Variants in STARD9 observed in about 807,000 individuals in gnomAD.
STARD9 encodes the protein stAR-related lipid transfer protein 9.
In STARD9, 346 loss-of-function variants were observed where a neutral mutation model predicts 399.8. That is an observed-to-expected ratio of 0.87 (90% CI 0.79 to 0.95). The LOEUF (loss-of-function observed/expected upper bound fraction) is 0.95, where lower values mean the gene tolerates loss of function less well. STARD9 is among the 40% of genes least tolerant of loss of function. The pLI is 0.00. For synonymous variants in STARD9, 2,203 were observed against 2,143.5 expected, an observed-to-expected ratio of 1.03 and a Z score of -0.77; for missense variants, 5,832 against 5,667.5, an observed-to-expected ratio of 1.03 and a Z score of -0.93.
intron 16 of STARD9, among the ~76,000 whole-genome samples, chr15:42,673,636 T>C (rs948608129): frequency 6.6e-6 from 1 of 152,174 alleles, no homozygotes; most frequent in Non-Finnish European, 1.5e-5. Context: ...GTAATATGAT[T>C]TGTATAAAGT....
At chr15:42,621,977 TTTTC>T (rs1292513043) in intron 3 of STARD9, among the ~76,000 whole-genome samples, 2 of 152,340 alleles carry the variant, frequency 1.3e-5, no homozygotes, top group African/African-American at 2.4e-5. Flanking sequence ...ATCTATTTCT[TTTTC>T]AATCTATATT....
chr15:42,680,432 T>G (rs1381264141), intron 20 of STARD9, among the ~76,000 whole-genome samples: 1 of 151,994 alleles, frequency 6.6e-6, no homozygotes, highest in Non-Finnish European at 1.5e-5. Flanking sequence ...AAATCCTGTC[T>G]CTACTAAAAA....
chr15:42,687,128 T>C lies in STARD9; in HGVS notation c.5550T>C (p.Ser1850=), dbSNP rs1311636936. The C allele has an allele frequency of 2.6e-6, 4 of 1,537,188 alleles. No homozygotes were observed. In the African/African-American group the frequency reaches 4.1e-5, roughly 16 times the overall value. Residue 1850 remains serine, a synonymous_variant, in exon 23 of 33, where the codon TCT becomes TCC. Coordinates refer to ENST00000290607, the MANE Select transcript of STARD9 (RefSeq NM_020759.3). ...TEESHDSVYS[S]VTQNRHFLPS... ...AAAGCCATGATTCAGTTTATTCTTC[T>C]GTTACTCAGAACAGACATTTTCTCC...
chr15:42,718,652 G>T, intron 31 of STARD9, 100 bp from the exon 32 acceptor site: 1 of 1,456,480 alleles, frequency 6.9e-7, no homozygotes, highest in Non-Finnish European at 9.3e-7. Flanking sequence ...TGGCTTGAAG[G>T]CTGGCCCAGT....
chr15:42,718,679 C>T, intron 31 of STARD9, 73 bp from the exon 32 acceptor site: 2 of 1,494,620 alleles, frequency 1.3e-6, no homozygotes, highest in African/African-American at 1.4e-5. Flanking sequence ...TTTCACCATA[C>T]TGTCTACACG....
chr15:42,607,220 T>TA (rs2058747625), intron 3 of STARD9, among the ~76,000 whole-genome samples: 1 of 124,972 alleles, frequency 8.0e-6, no homozygotes. Context: ...TTTTTTTTTT[T>TA]AAGATGGAGT....
chr15:42,649,606 C>T (rs879790043), intron 7 of STARD9, among the ~76,000 whole-genome samples: 10 of 150,978 alleles, frequency 6.6e-5, no homozygotes, highest in Admixed American at 6.0e-4. Flanking sequence ...ATCGCCCAGG[C>T]TGGGGTGCAA....
intron 20 of STARD9, among the ~76,000 whole-genome samples, chr15:42,677,927 T>C (rs1326435574): frequency 6.6e-6 from 1 of 152,214 alleles, no homozygotes; most frequent in Non-Finnish European, 1.5e-5. Context: ...TTCTCTTGCC[T>C]TTTTAAAGTC....
intron 26 of STARD9, among the ~76,000 whole-genome samples, chr15:42,696,524 A>C (rs1486571889): frequency 6.6e-6 from 1 of 152,220 alleles, no homozygotes; most frequent in Non-Finnish European, 1.5e-5. Context: ...AATCCATCTC[A>C]TTGTGTTACT....
chr15:42,697,912 A>G (rs1472449253), intron 26 of STARD9, among the ~76,000 whole-genome samples: 2 of 152,110 alleles, frequency 1.3e-5, no homozygotes, highest in African/African-American at 4.8e-5. Context: ...CCCTCAGTGT[A>G]CCTAGTTCCT....
At position 42,718,000 on chromosome 15, in the gene STARD9, T is replaced by C. The variant is rs1165930356; in HGVS notation, c.13583T>C (p.Val4528Ala). 1.1e-5 allele frequency: 17 copies of C among 1,537,188 alleles called. No individual in the cohort carries two copies. The highest frequency in any genetic ancestry group is 1.5e-5 in the Non-Finnish European group (17 of 1,146,884). Residue 4528 changes from valine (V) to alanine (A), a missense_variant, in exon 30 of 33, where the codon GTG becomes GCG. Around this residue, in one of 2 missense-constraint regions of STARD9, gnomAD observed 5,828 missense variants for 5,651.1 expected, o/e 1.03. Transcript: ENST00000290607. ...AGCTATCAGGGTGAGGAGCAGGCGGTGCAGCTTTACTACAAGGTGTTTTCT... is the reference window on the plus strand; with the variant it reads ...AGCTATCAGGGTGAGGAGCAGGCGGCGCAGCTTTACTACAAGGTGTTTTCT... ...GWNYQGEEQA[V>A]QLYYKVFSPT...
In STARD9 at chr15:42,684,965, G is replaced by A; in HGVS notation, c.3387G>A (p.Arg1129=). 1.3e-6 allele frequency: 2 copies of A among 1,537,038 alleles called. No homozygotes were observed. The highest frequency in any genetic ancestry group is 1.7e-6 in the Non-Finnish European group (2 of 1,146,926). ...TAGAGCCACTGAAGCCAGAGGAGAG[G>A]AAATGGGATTTCCCAGAGCCAGAGA... ...ALIEPLKPEE[R]KWDFPEPENS... Residue 1129 remains arginine (R), a synonymous_variant, in exon 23 of 33, where the codon AGG becomes AGA. Coordinates refer to ENST00000290607, the MANE Select transcript of STARD9 (RefSeq NM_020759.3).
At chr15:42,663,748 G>T in intron 12 of STARD9, 72 bp from the exon 13 acceptor site, 2 of 1,164,514 alleles carry the variant, frequency 1.7e-6, no homozygotes, top group Non-Finnish European at 2.5e-6. Flanking sequence ...ATGGGCAGTA[G>T]TAACAAGGCA....
rs2060268702 is a variant in STARD9, at chr15:42,674,492, G to T, written c.1549+1G>T. 6.5e-7 allele frequency: 1 copy of T among 1,536,928 alleles called. No individual in the cohort carries two copies. The highest frequency in any genetic ancestry group is 8.7e-7 in the Non-Finnish European group (1 of 1,146,730). On this transcript the variant is annotated splice_donor_variant, in intron 17 of 32. Coordinates refer to ENST00000290607, the MANE Select transcript of STARD9 (RefSeq NM_020759.3). LOFTEE classifies it high-confidence loss of function. Reference sequence around the variant, plus strand: ...GACTCAGACCAGGAACAGGACATTGGTAAGTGGCAGAGTATATGAGTCCAG... The same window carrying T: ...GACTCAGACCAGGAACAGGACATTGTTAAGTGGCAGAGTATATGAGTCCAG...
chr15:42,624,097 G>A (rs1055295619), intron 3 of STARD9, among the ~76,000 whole-genome samples: 2 of 152,166 alleles, frequency 1.3e-5, no homozygotes, highest in African/African-American at 2.4e-5. Context: ...GAAACTGTGG[G>A]TTTATGTTTG....
chr15:42,583,916 C>T (rs2058223024), intron 2 of STARD9, among the ~76,000 whole-genome samples: 1 of 152,072 alleles, frequency 6.6e-6, no homozygotes, highest in African/African-American at 2.4e-5. Flanking sequence ...AGTCACTAGC[C>T]TGGGTTTTGT....
At position 42,687,652 on chromosome 15, in the gene STARD9, T is replaced by C; in HGVS notation, c.6074T>C (p.Met2025Thr). 2.0e-6 allele frequency: 3 copies of C among 1,537,066 alleles called. No individual in the cohort carries two copies. Among genetic ancestry groups the C allele is most frequent in the Non-Finnish European group, 2.6e-6 (3 of 1,146,884 alleles). Residue 2025 changes from methionine to threonine, a missense_variant, in exon 23 of 33, where the codon ATG becomes ACG. Met to Thr is a moderately conservative substitution (Grantham distance 81). This residue lies in a region of STARD9 where 5,828 missense variants were observed against 5,651.1 expected (regional missense o/e 1.03). Transcript: ENST00000290607. ...CCCAGTGAATGCAAGTCACAAGAAA[T>C]GTTAAATCCCAACAGAGAACCTTCT... is the stretch of plus-strand genomic sequence containing the variant. ...RNPSECKSQE[M>T]LNPNREPSGK... is the part of the protein sequence containing the mutation.
At chr15:42,681,635 G>T (rs1461743630) in intron 21 of STARD9, 23 bp downstream of exon 21, 2 of 1,518,016 alleles carry the variant, frequency 1.3e-6, no homozygotes, top group Non-Finnish European at 1.8e-6. Context: ...CACTTAATGT[G>T]TCTGCCTCAC....
rs2060712584 is a variant in STARD9 at position 42,691,807 on chromosome 15, C to T, written c.10229C>T (p.Pro3410Leu). ...CCTGCCACCCCTCCTTATCCAATGC[C>T]TTCCACTCTCTCACACATGCCAACC... ...LKPATPPYPM[P>L]STLSHMPTPD... The change falls in exon 23 of 33, where the codon CCT becomes CTT. Residue 3410 changes from proline to leucine, a missense_variant. Pro to Leu is a moderately conservative substitution (Grantham distance 98). This residue lies in a region of STARD9 where 5,828 missense variants were observed against 5,651.1 expected (regional missense o/e 1.03). Transcript: ENST00000290607. 6.5e-7 allele frequency: 1 copy of T among 1,537,292 alleles called. No homozygotes were observed. The highest frequency in any genetic ancestry group is 8.7e-7 in the Non-Finnish European group (1 of 1,146,910).
Sources: allele counts gnomAD v4.1 joint callset (sites outside exome capture counted in the v4.1 genomes callset), GRCh38; gene constraint gnomAD v4.1.1; regional missense constraint gnomAD v4.1.1; transcripts MANE v1.5; gene names NCBI Gene and HGNC (gene_info 2026-07-23, HGNC 2026-07-21).